The following CYTH1 variants were observed in gnomAD, a reference collection of about 807,000 sequenced individuals.
CYTH1 encodes cytohesin 1.
Under a neutral mutation model 61.8 loss-of-function variants are expected in CYTH1, and 18 were observed. The ratio of observed to expected loss-of-function variants is 0.29; its 90% CI spans 0.20 to 0.43. The LOEUF (loss-of-function observed/expected upper bound fraction) is 0.43. Among genes scored for constraint, CYTH1 ranks in the 20% least tolerant of loss-of-function variants. The pLI is 1.00. For missense variants in CYTH1, 336 were observed against 510.5 expected (o/e 0.66, Z 3.29); for synonymous variants, 174 against 184.3 (o/e 0.94, Z 0.45).
At position 78,680,116 on chromosome 17, in the gene CYTH1, C is replaced by T. The variant is rs112713276; in HGVS notation, c.1118+74G>A. The T allele has an allele frequency of 2.3e-3, 3,652 of 1,574,192 alleles. 70 individuals carry two copies. The African/African-American group carries it at 0.039, about 17-fold the overall frequency. On this transcript the variant is annotated intron_variant, in intron 13 of 13. Coordinates refer to ENST00000446868, the MANE Select transcript of CYTH1 (RefSeq NM_004762.6). ...AAGAGATGCGGGCGGCATGTTTAAC[C>T]ACTAAGATGATCAACACCTGGTGAG... is the stretch of plus-strand genomic sequence containing the variant.
At chr17:78,763,538 T>C (rs1399066466) in intron 1 of CYTH1, among the ~76,000 whole-genome samples, 1 of 152,126 alleles carries the variant, frequency 6.6e-6, no homozygotes, top group Non-Finnish European at 1.5e-5. Context: ...TATACATACA[T>C]ACCTATGATA....
intron 9 of CYTH1, 76 bp downstream of exon 9, chr17:78,698,185 ACACGCACG>A (rs530130889): frequency 3.0e-5 from 33 of 1,116,018 alleles, no homozygotes; most frequent in Non-Finnish European, 3.6e-5. Context: ...ACACGCGCAC[ACACGCACG>A]CACGCACACA....
intron 1 of CYTH1, among the ~76,000 whole-genome samples, chr17:78,730,881 G>C (rs2093290403): frequency 6.6e-6 from 1 of 151,952 alleles, no homozygotes; most frequent in South Asian, 2.1e-4. Context: ...AGCCAGGAAG[G>C]TCTCGATCTC....
chr17:78,703,428 A>C (rs1163162319), intron 3 of CYTH1, among the ~76,000 whole-genome samples: 1 of 151,822 alleles, frequency 6.6e-6, no homozygotes, highest in African/African-American at 2.4e-5. Context: ...AAAAAAAAAA[A>C]AAAAAAACTT....
At chr17:78,748,981 C>G (rs2093369383) in intron 1 of CYTH1, among the ~76,000 whole-genome samples, 1 of 152,214 alleles carries the variant, frequency 6.6e-6, no homozygotes, top group South Asian at 2.1e-4. Context: ...ACGGAACCAT[C>G]ACATGACAGA....
intron 1 of CYTH1, among the ~76,000 whole-genome samples, chr17:78,750,265 A>G (rs1344569569): frequency 6.6e-6 from 1 of 152,234 alleles, no homozygotes; most frequent in African/African-American, 2.4e-5. Flanking sequence ...GGGAAGGCTG[A>G]TATCAAAACA....
intron 1 of CYTH1, among the ~76,000 whole-genome samples, chr17:78,719,218 G>C (rs959617242): frequency 1.3e-5 from 2 of 152,212 alleles, no homozygotes; most frequent in African/African-American, 4.8e-5. Context: ...CCCTGGGCAA[G>C]TTACTTCGGC....
At position 78,717,842 on chromosome 17, in the gene CYTH1, G is replaced by A. The variant is rs975739954; in HGVS notation, c.23-8110C>T. On this transcript the variant is annotated intron_variant, in intron 1 of 13. Transcript: ENST00000446868. This position sits in a 1 kb window ranked among gnomAD's most constrained non-coding sequence, Gnocchi z 4.4. ...TGTCCAAGGCATGCTTTAGGACCAG[G>A]ATGTCTCTTTGAGGTCATCCAGCTG... 1.3e-5 allele frequency among the ~76,000 whole-genome samples: 2 copies of A among 152,118 alleles called. No homozygotes were observed. The highest frequency in any genetic ancestry group is 4.1e-4 in the South Asian group (2 of 4,826).
chr17:78,771,514 C>G (rs2093471150), intron 1 of CYTH1, among the ~76,000 whole-genome samples: 1 of 152,018 alleles, frequency 6.6e-6, no homozygotes, highest in African/African-American at 2.4e-5. Flanking sequence ...AGGCAGATCA[C>G]AAGGTCAGGA....
At chr17:78,727,365 C>A (rs1238759655) in intron 1 of CYTH1, among the ~76,000 whole-genome samples, 1 of 152,092 alleles carries the variant, frequency 6.6e-6, no homozygotes, top group Non-Finnish European at 1.5e-5. Context: ...CTTAAAAATG[C>A]CTCATTATTC....
chr17:78,744,484 G>C (rs937112222), intron 1 of CYTH1, among the ~76,000 whole-genome samples: 1 of 152,152 alleles, frequency 6.6e-6, no homozygotes, highest in African/African-American at 2.4e-5. Flanking sequence ...AGGTGGGGTG[G>C]AGCATAACAA....
chr17:78,766,239 T>A (rs1372220245), intron 1 of CYTH1, among the ~76,000 whole-genome samples: 7 of 152,158 alleles, frequency 4.6e-5, no homozygotes, highest in Admixed American at 2.6e-4. Context: ...CACTGTTAAA[T>A]GAGTTCTTTC....
chr17:78,766,638 C>T lies in CYTH1; in HGVS notation c.22+15564G>A, dbSNP rs12325895. Among the ~76,000 whole-genome samples the T allele has an allele frequency of 7.9e-5, 12 of 152,278 alleles. 4 individuals carry two copies. The highest frequency in any genetic ancestry group is 6.5e-5 in the Admixed American group (1 of 15,292). On this transcript the variant is annotated intron_variant, in intron 1 of 13. Transcript: ENST00000446868. ...TGTAAATGTGTTTAATAACCAGCAA[C>T]ACAGGTTTAACCAAAACTCTGTCCA... is the stretch of plus-strand genomic sequence containing the variant.
chr17:78,699,758 A>G (rs1023289802), intron 7 of CYTH1, among the ~76,000 whole-genome samples: 4 of 152,172 alleles, frequency 2.6e-5, no homozygotes, highest in African/African-American at 9.7e-5. Flanking sequence ...TCCTATGTCA[A>G]TAAAAATTCT....
intron 1 of CYTH1, among the ~76,000 whole-genome samples, chr17:78,725,417 G>A (rs1020759155): frequency 6.6e-6 from 1 of 152,186 alleles, no homozygotes; most frequent in Non-Finnish European, 1.5e-5. Flanking sequence ...GTGAGATTAA[G>A]CTCTTGCTTT....
intron 1 of CYTH1, among the ~76,000 whole-genome samples, chr17:78,778,494 C>A (rs146799354): frequency 0.016 from 2,396 of 151,370 alleles, 70 homozygotes; most frequent in African/African-American, 0.056. Flanking sequence ...AAAAATCAGC[C>A]GGGTGTGGTG....
chr17:78,765,904 G>A (rs1169077884), intron 1 of CYTH1, among the ~76,000 whole-genome samples: 1 of 152,034 alleles, frequency 6.6e-6, no homozygotes, highest in African/African-American at 2.4e-5. Context: ...AGAGGGTCTT[G>A]TCTTGAGATC....
chr17:78,684,090 G>C (rs375446771), intron 11 of CYTH1, among the ~76,000 whole-genome samples: 2 of 152,112 alleles, frequency 1.3e-5, no homozygotes, highest in Admixed American at 1.3e-4. Context: ...CCTGGGAGTG[G>C]GGACCAGGTT....
intron 1 of CYTH1, among the ~76,000 whole-genome samples, chr17:78,780,916 A>G (rs1232259266): frequency 6.6e-6 from 1 of 152,150 alleles, no homozygotes; most frequent in Non-Finnish European, 1.5e-5. Flanking sequence ...CTGAGGCAGG[A>G]GAATCGCTCA....
Sources: gnomAD v4.1 joint callset for allele counts (sites outside exome capture counted in the v4.1 genomes callset) on GRCh38, gnomAD v4.1.1 for gene constraint, Gnocchi (gnomAD v3.1) non-coding constraint, MANE v1.5 for transcripts, NCBI Gene and HGNC (gene_info 2026-07-23, HGNC 2026-07-21) for gene names.